The following PCDHGB3 variants were observed in gnomAD, a reference collection of about 807,000 sequenced individuals.
The protein encoded by PCDHGB3 is protocadherin gamma-B3.
In PCDHGB3, 40 loss-of-function variants were observed where a neutral mutation model predicts 59.2. The ratio of observed to expected loss-of-function variants is 0.68; its 90% CI spans 0.52 to 0.88. PCDHGB3 has a LOEUF of 0.88. PCDHGB3 is among the 40% of genes least tolerant of loss of function. PCDHGB3 has a pLI of 0.00. For missense variants in PCDHGB3, 1,309 were observed against 1,187.9 expected, an observed-to-expected ratio of 1.10 and a Z score of -1.50; for synonymous variants, 581 against 503.6, an observed-to-expected ratio of 1.15 and a Z score of -2.06.
rs768442022 is a variant in PCDHGB3 at position 141,371,968 on chromosome 5, T to C, written c.1574T>C (p.Leu525Pro). Reference sequence around the variant, plus strand: ...CAGCGAGCCTTCGACCACGAGCAGCTGCGTGCCTTCGAGCTCACTCTGCAG... The same window carrying C: ...CAGCGAGCCTTCGACCACGAGCAGCCGCGTGCCTTCGAGCTCACTCTGCAG... The part of the protein sequence containing the change: ...FAQRAFDHEQ[L>P]RAFELTLQAR... The change falls in exon 1 of 4, where the codon CTG (leucine) becomes CCG (proline). Residue 525 changes from leucine (L) to proline (P), a missense_variant. Transcript: ENST00000576222. 3 of 1,613,154 alleles carry C rather than the reference T, an allele frequency of 1.9e-6. No individual in the cohort carries two copies. The highest frequency in any genetic ancestry group is 1.7e-5 in the Admixed American group (1 of 59,992).
Position 141,487,165 on chromosome 5 carries a change from C to T in PCDHGB3, c.2416-7642C>T, listed in dbSNP as rs1014219030. The T allele has an allele frequency of 1.9e-6, 3 of 1,612,932 alleles. No homozygotes were observed. The highest frequency in any genetic ancestry group is 2.5e-6 in the Non-Finnish European group (3 of 1,178,918). On this transcript the variant is annotated intron_variant, in intron 1 of 3. Coordinates refer to ENST00000576222, the MANE Select transcript of PCDHGB3 (RefSeq NM_018924.5). The surrounding 1 kb of genome is among the most constrained non-coding windows in gnomAD (Gnocchi z 5.0). ...CTACCTCTGTTACTCTCTTAGTGTC[C>T]TTAGAGGAAGACACTCATCCAGTTG...
In PCDHGB3 at chr5:141,511,364, T is replaced by C. The variant is rs115159796; in HGVS notation, c.*191T>C. The C allele has an allele frequency of 4.6e-4, 610 of 1,317,098 alleles. 5 individuals are homozygous for C. In the African/African-American group the frequency reaches 7.1e-3, roughly 15 times the overall value. The allele number at this position is 1,317,098 out of a possible 1,614,324, so 81.6% of individuals were successfully genotyped here. On this transcript the variant is annotated 3_prime_UTR_variant, in exon 4 of 4. Coordinates refer to ENST00000576222, the MANE Select transcript of PCDHGB3 (RefSeq NM_018924.5). ...ACCCCTTCCCCCCCAGGGGGTTGAA[T>C]ATGCAAAAGCAGTTCCGCTGGGAAC...
chr5:141,429,376 T>TG (rs2097206796), intron 1 of PCDHGB3, among the ~76,000 whole-genome samples: 1 of 144,558 alleles, frequency 6.9e-6, no homozygotes, highest in Non-Finnish European at 1.5e-5. Context: ...GGAGAAAATG[T>TG]GTTTTTTTTT....
intron 1 of PCDHGB3, among the ~76,000 whole-genome samples, chr5:141,401,455 A>G (rs1589438348): frequency 6.6e-6 from 1 of 152,256 alleles, no homozygotes; most frequent in East Asian, 1.9e-4. Flanking sequence ...AATCATCCAA[A>G]TAATTTTCTA....
In PCDHGB3 at chr5:141,490,639, C is replaced by T. The variant is rs1345892739; in HGVS notation, c.2416-4168C>T. 25 of 1,614,200 alleles carry T rather than the reference C, an allele frequency of 1.5e-5. No homozygotes were observed. Among genetic ancestry groups the T allele is most frequent in the East Asian group, 2.2e-5 (1 of 44,878 alleles). ...TTACACTGCTTACATCCTAGAAAAC[C>T]GGCCTCCGGGCTCCCTTCTTTGCAC... On this transcript the variant is annotated intron_variant, in intron 1 of 3. Transcript: ENST00000576222. This position sits in a 1 kb window ranked among gnomAD's most constrained non-coding sequence, Gnocchi z 5.4.
chr5:141,476,521 C>T lies in PCDHGB3; in HGVS notation c.2416-18286C>T. On this transcript the variant is annotated intron_variant, in intron 1 of 3. Transcript: ENST00000576222. The surrounding 1 kb of genome is among the most constrained non-coding windows in gnomAD (Gnocchi z 7.6). ...ACATCAACGACAACAATCCTGCTTT[C>T]CCTACCCAGGAAATGAAATTGGAGA... 4 of 1,614,214 alleles carry T rather than the reference C, an allele frequency of 2.5e-6. No homozygotes were observed. The highest frequency in any genetic ancestry group is 3.4e-6 in the Non-Finnish European group (4 of 1,180,036).
At chr5:141,386,997 C>T (rs1001565782) in intron 1 of PCDHGB3, among the ~76,000 whole-genome samples, 2 of 152,070 alleles carry the variant, frequency 1.3e-5, no homozygotes, top group African/African-American at 4.8e-5. Context: ...ATGTATTATC[C>T]CCCTGATAAC....
At chr5:141,389,787 G>C (rs761543632) in intron 1 of PCDHGB3, 3 of 1,613,328 alleles carry the variant, frequency 1.9e-6, no homozygotes, top group Non-Finnish European at 2.5e-6. Context: ...CGACAGGGAC[G>C]CCGTCCGCCA....
At chr5:141,375,450 C>T in intron 1 of PCDHGB3, 1 of 1,614,014 alleles carries the variant, frequency 6.2e-7, no homozygotes, top group Non-Finnish European at 8.5e-7. Flanking sequence ...CCCCATTCAT[C>T]CTACTCAGTC....
intron 1 of PCDHGB3, chr5:141,409,204 C>A: frequency 6.2e-7 from 1 of 1,613,942 alleles, no homozygotes; most frequent in South Asian, 1.1e-5. Flanking sequence ...GTAAAGTAAT[C>A]ATAGAAATCC....
chr5:141,421,572 G>T, intron 1 of PCDHGB3: 1 of 1,613,954 alleles, frequency 6.2e-7, no homozygotes, highest in Admixed American at 1.7e-5. Flanking sequence ...AAGACACCTT[G>T]AAGATTTACG....
chr5:141,382,044 G>T (rs940702463), intron 1 of PCDHGB3, among the ~76,000 whole-genome samples: 4 of 151,760 alleles, frequency 2.6e-5, no homozygotes, highest in African/African-American at 9.7e-5. Flanking sequence ...GGTCAGGCTG[G>T]TCTCAAGCTC....
At chr5:141,462,415 C>G (rs998182982) in intron 1 of PCDHGB3, among the ~76,000 whole-genome samples, 2 of 152,092 alleles carry the variant, frequency 1.3e-5, no homozygotes, top group Non-Finnish European at 2.9e-5. Context: ...AGAATATGGT[C>G]TATCTTGGTG....
chr5:141,506,398 A>T (rs902405970), intron 3 of PCDHGB3, among the ~76,000 whole-genome samples: 6 of 151,394 alleles, frequency 4.0e-5, no homozygotes, highest in Admixed American at 2.6e-4. Context: ...GTGAGCAGAA[A>T]ATCGCACCAC....
chr5:141,375,629 G>A (rs567513392), intron 1 of PCDHGB3: 3 of 1,614,192 alleles, frequency 1.9e-6, no homozygotes, highest in Admixed American at 1.7e-5. Flanking sequence ...GATTCTGTAC[G>A]CCCTGCGCTC....
intron 1 of PCDHGB3, chr5:141,395,116 T>C (rs1255512461): frequency 1.9e-6 from 3 of 1,614,216 alleles, no homozygotes; most frequent in Admixed American, 3.3e-5. Context: ...AAGAGTCACC[T>C]GATCTTTCCC....
At chr5:141,422,664 C>T (rs2096662670) in intron 1 of PCDHGB3, 4 of 1,608,458 alleles carry the variant, frequency 2.5e-6, no homozygotes, top group Non-Finnish European at 3.4e-6. Flanking sequence ...CCGCCCTCGA[C>T]CCGGACAGCA....
rs1439461935 is a variant in PCDHGB3 at position 141,511,976 on chromosome 5, G to A, written c.*803G>A. ...ATAAGGAAGGGAAGTGTGTGGATGT[G>A]GATGGTGGGGGCATGGACAAAGCTT... is the stretch of plus-strand genomic sequence containing the variant. On this transcript the variant is annotated 3_prime_UTR_variant, in exon 4 of 4. Coordinates refer to ENST00000576222, the MANE Select transcript of PCDHGB3 (RefSeq NM_018924.5). 6.5e-6 allele frequency: 1 copy of A among 153,384 alleles called. No homozygotes were observed. Among genetic ancestry groups the A allele is most frequent in the Non-Finnish European group, 1.5e-5 (1 of 68,664 alleles). 9.5% of individuals were successfully genotyped at this position (153,384 alleles called of 1,614,324 possible).
At chr5:141,381,416 C>G (rs995030864) in intron 1 of PCDHGB3, among the ~76,000 whole-genome samples, 10 of 152,236 alleles carry the variant, frequency 6.6e-5, no homozygotes, top group African/African-American at 2.2e-4. Context: ...AGTGGAGAGA[C>G]GAGTACCTCT....
Sources: allele counts gnomAD v4.1 joint callset (sites outside exome capture counted in the v4.1 genomes callset), GRCh38; gene constraint gnomAD v4.1.1; non-coding constraint Gnocchi (gnomAD v3.1); transcripts MANE v1.5; gene names NCBI Gene and HGNC (gene_info 2026-07-23, HGNC 2026-07-21).